The following MAGI2 variants were observed in gnomAD, a reference collection of about 807,000 sequenced individuals.
MAGI2 encodes the protein membrane associated guanylate kinase, WW and PDZ domain containing 2, also known as membrane-associated guanylate kinase, WW and PDZ domain-containing protein 2.
MAGI2 carries 35 observed loss-of-function variants against 133.3 expected under a neutral mutation model. The observed-to-expected ratio is 0.26, with a 90% confidence interval of 0.20 to 0.35. The LOEUF (loss-of-function observed/expected upper bound fraction) is 0.35. Ranked by LOEUF, MAGI2 falls within the 10% of genes least tolerant of loss-of-function variation. MAGI2 has a pLI of 1.00. For missense variants in MAGI2, 1,636 were observed against 1,863.4 expected, an observed-to-expected ratio of 0.88 and a Z score of 2.25; for synonymous variants, 729 against 710.6, an observed-to-expected ratio of 1.03 and a Z score of -0.41.
At chr7:78,083,381 A>AGGG (rs201638758) in intron 20 of MAGI2, among the ~76,000 whole-genome samples, 25 of 19,502 alleles carry the variant, frequency 1.3e-3, no homozygotes, top group Non-Finnish European at 2.3e-3. Context: ...GGAGGGAGGG[A>AGGG]GGGGGGGAGA....
intron 1 of MAGI2, among the ~76,000 whole-genome samples, chr7:79,245,577 C>T (rs542713717): frequency 1.2e-4 from 19 of 152,184 alleles, no homozygotes; most frequent in Non-Finnish European, 2.4e-4. Context: ...ATGGGAAGGA[C>T]TTTATCTTGT....
intron 6 of MAGI2, among the ~76,000 whole-genome samples, chr7:78,424,543 T>A (rs778391911): frequency 6.6e-6 from 1 of 152,100 alleles, no homozygotes; most frequent in Non-Finnish European, 1.5e-5. Context: ...GGTAGATTCA[T>A]GAAAACTTGC....
At chr7:79,353,290 C>A in intron 1 of MAGI2, 1 of 335,140 alleles carries the variant, frequency 3.0e-6, no homozygotes. Context: ...GGTTTCCCAA[C>A]ACCCTGAACA....
intron 1 of MAGI2, among the ~76,000 whole-genome samples, chr7:79,234,653 T>A (rs1414527868): frequency 3.9e-5 from 6 of 151,970 alleles, no homozygotes; most frequent in African/African-American, 1.4e-4. Context: ...ATCAGCTCCT[T>A]TAAGCACTTC....
intron 2 of MAGI2, among the ~76,000 whole-genome samples, chr7:78,672,295 T>C (rs998114487): frequency 6.6e-6 from 1 of 152,070 alleles, no homozygotes; most frequent in Non-Finnish European, 1.5e-5. Flanking sequence ...CTCCCTCTCT[T>C]GCCATAAGAC....
At chr7:78,329,751 G>A (rs1439911303) in intron 9 of MAGI2, among the ~76,000 whole-genome samples, 1 of 152,142 alleles carries the variant, frequency 6.6e-6, no homozygotes, top group Non-Finnish European at 1.5e-5. Context: ...TTAGGTTACT[G>A]ATCTGTAAAA....
chr7:79,396,820 C>A (rs1845092284), intron 1 of MAGI2, among the ~76,000 whole-genome samples: 1 of 152,076 alleles, frequency 6.6e-6, no homozygotes, highest in African/African-American at 2.4e-5. Context: ...TTACGTGATT[C>A]ATATACATTA....
chr7:79,156,891 C>G (rs757925660), intron 1 of MAGI2, among the ~76,000 whole-genome samples: 4 of 152,088 alleles, frequency 2.6e-5, no homozygotes, highest in Non-Finnish European at 5.9e-5. Flanking sequence ...AGAAGTTGCC[C>G]AAACTCAGAG....
In MAGI2 at chr7:79,208,626, CT is replaced by C. The variant is rs557297484; in HGVS notation, c.302-201421del. On this transcript the variant is annotated intron_variant, in intron 1 of 21. Coordinates refer to ENST00000354212, the MANE Select transcript of MAGI2 (RefSeq NM_012301.4). ...CATCATGGAAAACAGTATGGAATTT[CT>C]TCAAAACATTAGAAATAGAATTACC... 2.3e-3 allele frequency among the ~76,000 whole-genome samples: 355 copies of C among 152,094 alleles called. 4 individuals carry two copies. The highest frequency in any genetic ancestry group is 8.0e-3 in the African/African-American group (331 of 41,414).
At chr7:78,269,569 C>G (rs903655272) in intron 9 of MAGI2, among the ~76,000 whole-genome samples, 1 of 152,062 alleles carries the variant, frequency 6.6e-6, no homozygotes, top group African/African-American at 2.4e-5. Flanking sequence ...TTGTTGGCTG[C>G]ATAAATGTCT....
chr7:78,700,793 T>C (rs1043351439), intron 2 of MAGI2, among the ~76,000 whole-genome samples: 12 of 151,950 alleles, frequency 7.9e-5, no homozygotes, highest in African/African-American at 2.9e-4. Context: ...TTTCTCATCG[T>C]GACACTTTTC....
chr7:78,893,637 A>G (rs1422095402), intron 2 of MAGI2, among the ~76,000 whole-genome samples: 1 of 151,904 alleles, frequency 6.6e-6, no homozygotes, highest in Admixed American at 6.6e-5. Context: ...AGGACAAAAA[A>G]CCAAACACCA....
At chr7:78,399,683 T>A (rs1583896904) in intron 6 of MAGI2, among the ~76,000 whole-genome samples, 1 of 151,534 alleles carries the variant, frequency 6.6e-6, no homozygotes, top group Non-Finnish European at 1.5e-5. Context: ...CACATGCCTA[T>A]AATTCCAGCT....
At chr7:78,971,062 A>T (rs1803747079) in intron 2 of MAGI2, among the ~76,000 whole-genome samples, 1 of 152,066 alleles carries the variant, frequency 6.6e-6, no homozygotes, top group Non-Finnish European at 1.5e-5. Context: ...TTAAAAAATG[A>T]TAGTTTACTT....
rs558999427 is a variant in MAGI2 at position 78,038,591 on chromosome 7, C to T, written c.3707-18615G>A. Among the ~76,000 whole-genome samples, 14 of 152,270 alleles carry T rather than the reference C, an allele frequency of 9.2e-5. 1 individual carries two copies. Among genetic ancestry groups the T allele is most frequent in the African/African-American group, 2.4e-4 (10 of 41,540 alleles). On this transcript the variant is annotated intron_variant, in intron 21 of 21. Transcript: ENST00000354212. ...TAGAAATGCAGACTCCCCACCTAGA[C>T]CCACTGAATCTGAATCTGCATTTTA...
chr7:79,188,288 C>T (rs1827341147), intron 1 of MAGI2, among the ~76,000 whole-genome samples: 1 of 151,666 alleles, frequency 6.6e-6, no homozygotes, highest in African/African-American at 2.4e-5. Context: ...ACCCCGCCTC[C>T]CCCAACAGAC....
In MAGI2 at chr7:78,506,153, T is replaced by C. The variant is rs141135478; in HGVS notation, c.755-4366A>G. 2.6e-5 allele frequency among the ~76,000 whole-genome samples: 4 copies of C among 152,264 alleles called. No homozygotes were observed. In the East Asian group the frequency reaches 5.8e-4, roughly 22 times the overall value. ...GCAGTGGAAAGTTATTTTTGTGCTC[T>C]CAAAAAGTAATGATGGTGGCACGGA... On this transcript the variant is annotated intron_variant, in intron 4 of 21. Transcript: ENST00000354212.
chr7:78,384,722 TA>T (rs34963661), intron 6 of MAGI2, among the ~76,000 whole-genome samples: 2 of 151,982 alleles, frequency 1.3e-5, no homozygotes, highest in African/African-American at 4.8e-5. Flanking sequence ...AGTAAGGATT[TA>T]AAAAAATGAA....
intron 1 of MAGI2, among the ~76,000 whole-genome samples, chr7:79,128,381 C>T (rs1820621282): frequency 6.6e-6 from 1 of 152,044 alleles, no homozygotes; most frequent in Non-Finnish European, 1.5e-5. Context: ...TGTGTTTTTG[C>T]CACAAGATAT....
Sources: gnomAD v4.1 joint callset for allele counts (sites outside exome capture counted in the v4.1 genomes callset) on GRCh38, gnomAD v4.1.1 for gene constraint, MANE v1.5 for transcripts, NCBI Gene and HGNC (gene_info 2026-07-23, HGNC 2026-07-21) for gene names.